Variants in RGS6 observed in about 807,000 individuals in gnomAD.
The protein encoded by RGS6 is regulator of G protein signaling 6, also known as regulator of G-protein signaling 6.
RGS6 carries 30 observed loss-of-function variants against 78.5 expected under a neutral mutation model. That is an observed-to-expected ratio of 0.38 (90% CI 0.29 to 0.52). The LOEUF (loss-of-function observed/expected upper bound fraction) is 0.52, where lower values mean the gene tolerates loss of function less well. RGS6 is among the 20% of genes least tolerant of loss of function. RGS6 has a pLI of 0.85. For synonymous variants in RGS6, 206 were observed against 206.0 expected, an observed-to-expected ratio of 1.00 and a Z score of 0.00; for missense variants, 495 against 609.7, an observed-to-expected ratio of 0.81 and a Z score of 1.98.
intron 2 of RGS6, among the ~76,000 whole-genome samples, chr14:72,222,432 C>T (rs980663410): frequency 5.3e-5 from 8 of 152,206 alleles, no homozygotes; most frequent in African/African-American, 1.9e-4. Flanking sequence ...GTAGCATGTG[C>T]CCTGTCTCCA....
the RGS6 span, among the ~76,000 whole-genome samples, chr14:72,579,666 T>C: frequency 2.0e-5 from 3 of 152,076 alleles, no homozygotes; most frequent in Non-Finnish European, 4.4e-5. Flanking sequence ...TGCTCAACAC[T>C]CACCAATTTG....
At chr14:72,333,265 A>G (rs768167507) in intron 2 of RGS6, among the ~76,000 whole-genome samples, 14 of 152,218 alleles carry the variant, frequency 9.2e-5, no homozygotes, top group Non-Finnish European at 1.8e-4. Context: ...ATCAAGTCAA[A>G]TAAAGCTGTT....
intron 17 of RGS6, among the ~76,000 whole-genome samples, chr14:72,543,303 T>C (rs777342439): frequency 6.6e-6 from 1 of 152,174 alleles, no homozygotes; most frequent in Non-Finnish European, 1.5e-5. Flanking sequence ...TCAGCTGCCC[T>C]GGTGCAGTGA....
intron 2 of RGS6, among the ~76,000 whole-genome samples, chr14:72,228,443 C>T (rs1473421782): frequency 6.6e-6 from 1 of 152,070 alleles, no homozygotes; most frequent in Non-Finnish European, 1.5e-5. Flanking sequence ...TTAACAAATA[C>T]GTTCATCATC....
At chr14:72,195,627 A>G (rs1255168855) in intron 2 of RGS6, among the ~76,000 whole-genome samples, 2 of 152,234 alleles carry the variant, frequency 1.3e-5, no homozygotes, top group East Asian at 3.9e-4. Context: ...AAAGCAAGTC[A>G]CAGCGCTCAA....
At chr14:72,479,893 A>G (rs1192182956) in intron 12 of RGS6, among the ~76,000 whole-genome samples, 1 of 152,152 alleles carries the variant, frequency 6.6e-6, no homozygotes, top group Non-Finnish European at 1.5e-5. Context: ...GTCCTAGTAT[A>G]CTTTGAGGGT....
chr14:72,186,204 C>A (rs1484136598), intron 2 of RGS6, among the ~76,000 whole-genome samples: 1 of 152,238 alleles, frequency 6.6e-6, no homozygotes, highest in Non-Finnish European at 1.5e-5. Context: ...GATCCCATTT[C>A]TCTCTCACTA....
chr14:72,401,194 T>TA, intron 3 of RGS6, among the ~76,000 whole-genome samples: 1 of 152,264 alleles, frequency 6.6e-6, no homozygotes. Flanking sequence ...ATCCCTGATG[T>TA]AAAATCAAGC....
At chr14:72,272,657 C>A (rs976896223) in intron 2 of RGS6, among the ~76,000 whole-genome samples, 1 of 152,168 alleles carries the variant, frequency 6.6e-6, no homozygotes, top group African/African-American at 2.4e-5. Context: ...TGGGCCCAGC[C>A]CCATCATCCT....
At chr14:72,298,955 A>T (rs982258427) in intron 2 of RGS6, among the ~76,000 whole-genome samples, 1 of 152,152 alleles carries the variant, frequency 6.6e-6, no homozygotes, top group African/African-American at 2.4e-5. Context: ...AAATTTCTTT[A>T]ATTGACACAG....
intron 3 of RGS6, among the ~76,000 whole-genome samples, chr14:72,440,616 T>A (rs1358853043): frequency 6.6e-6 from 1 of 152,058 alleles, no homozygotes; most frequent in East Asian, 1.9e-4. Flanking sequence ...TTTCACCATG[T>A]TGGCCAGGCT....
At chr14:71,876,666 C>T in the RGS6 span, among the ~76,000 whole-genome samples, 52 of 151,582 alleles carry the variant, frequency 3.4e-4, no homozygotes, top group Admixed American at 3.3e-3. Flanking sequence ...GAGCATTTAG[C>T]CCATTTACAT....
At chr14:72,544,413 T>C (rs1722906301) in intron 17 of RGS6, among the ~76,000 whole-genome samples, 2 of 152,146 alleles carry the variant, frequency 1.3e-5, no homozygotes, top group African/African-American at 4.8e-5. Context: ...CCTGCCCTCT[T>C]GAGAGCTTCA....
At position 72,207,582 on chromosome 14, in the gene RGS6, T is replaced by C. The variant is rs112199869; in HGVS notation, c.85-144513T>C. Among the ~76,000 whole-genome samples the C allele has an allele frequency of 7.5e-3, 1,137 of 152,340 alleles. 12 individuals are homozygous for C. The highest frequency in any genetic ancestry group is 0.026 in the African/African-American group (1,080 of 41,562). On this transcript the variant is annotated intron_variant, in intron 2 of 17. Coordinates refer to ENST00000553525, the MANE Select transcript of RGS6 (RefSeq NM_001204424.2). ...GCAAGGCCCCTCACTTTCCAGTTCA[T>C]GTTTCCTCTGGCACATCTTTGGCCA...
At chr14:72,436,264 G>T (rs1163478611) in intron 3 of RGS6, among the ~76,000 whole-genome samples, 4 of 146,710 alleles carry the variant, frequency 2.7e-5, no homozygotes, top group Admixed American at 6.8e-5. Flanking sequence ...CATCTTATTT[G>T]TTTTTTTTTT....
the RGS6 span, among the ~76,000 whole-genome samples, chr14:72,595,423 C>G: frequency 0.05 from 7,576 of 152,104 alleles, 669 homozygotes; most frequent in African/African-American, 0.17. Flanking sequence ...TCTCCAAAGG[C>G]ACTGACTAAA....
chr14:72,420,239 T>A (rs949701490), intron 3 of RGS6, among the ~76,000 whole-genome samples: 7 of 152,218 alleles, frequency 4.6e-5, no homozygotes, highest in Non-Finnish European at 8.8e-5. Context: ...GTGTTACGTT[T>A]TTATAACCTG....
chr14:72,075,608 G>A (rs572753388), intron 2 of RGS6, among the ~76,000 whole-genome samples: 6 of 152,150 alleles, frequency 3.9e-5, no homozygotes, highest in African/African-American at 1.4e-4. Flanking sequence ...GACCTGTGAT[G>A]CCACCACCTA....
chr14:71,886,178 T>C, the RGS6 span, among the ~76,000 whole-genome samples: 1 of 152,224 alleles, frequency 6.6e-6, no homozygotes, highest in African/African-American at 2.4e-5. Flanking sequence ...CCTGTTGATA[T>C]GATGACAGTG....
Sources: allele counts gnomAD v4.1 joint callset (sites outside exome capture counted in the v4.1 genomes callset), GRCh38; gene constraint gnomAD v4.1.1; transcripts MANE v1.5; gene names NCBI Gene and HGNC (gene_info 2026-07-23, HGNC 2026-07-21).